The following DLGAP1 variants were observed in gnomAD, a reference collection of about 807,000 sequenced individuals.
DLGAP1 encodes DLG associated protein 1, also known as disks large-associated protein 1.
A neutral mutation model predicts 90.8 loss-of-function variants in DLGAP1; 11 were observed. That is an observed-to-expected ratio of 0.12 (90% CI 0.08 to 0.20). The LOEUF (loss-of-function observed/expected upper bound fraction) is 0.20, where lower values mean the gene tolerates loss of function less well. Ranked by LOEUF, DLGAP1 falls within the 10% of genes least tolerant of loss-of-function variation. The probability of loss-of-function intolerance (pLI) is 1.00; values close to 1 mark genes in which losing one functional copy is unlikely to be tolerated. For missense variants in DLGAP1, 1,050 were observed against 1,333.8 expected (o/e 0.79, Z 3.31); for synonymous variants, 558 against 540.7 (o/e 1.03, Z -0.44).
At chr18:4,123,707 A>G (rs973233940) in intron 2 of DLGAP1, among the ~76,000 whole-genome samples, 2 of 152,194 alleles carry the variant, frequency 1.3e-5, no homozygotes, top group Non-Finnish European at 2.9e-5. Flanking sequence ...CCCTGCGAAT[A>G]CAAAAAGCGG....
chr18:3,676,110 T>C (rs2060288483), intron 7 of DLGAP1, among the ~76,000 whole-genome samples: 1 of 152,244 alleles, frequency 6.6e-6, no homozygotes, highest in African/African-American at 2.4e-5. Context: ...CAGACATAGA[T>C]GCCGGCAGTT....
chr18:4,288,035 G>T (rs1326681426), intron 1 of DLGAP1, among the ~76,000 whole-genome samples: 3 of 147,530 alleles, frequency 2.0e-5, no homozygotes, highest in Non-Finnish European at 4.5e-5. Context: ...AACTGAGTCA[G>T]GTCAGGAGAA....
intron 7 of DLGAP1, among the ~76,000 whole-genome samples, chr18:3,667,895 G>C (rs2059937589): frequency 6.6e-6 from 1 of 152,110 alleles, no homozygotes; most frequent in Admixed American, 6.6e-5. Context: ...TTGATAAGAG[G>C]CTTATTTCTA....
chr18:3,869,721 CATGCT>C (rs1239659839), intron 4 of DLGAP1, among the ~76,000 whole-genome samples: 6 of 152,196 alleles, frequency 3.9e-5, no homozygotes, highest in African/African-American at 1.4e-4. Flanking sequence ...CAGAATCAGA[CATGCT>C]AATCCCAATG....
intron 1 of DLGAP1, among the ~76,000 whole-genome samples, chr18:4,411,211 G>C (rs577421810): frequency 6.6e-6 from 1 of 152,010 alleles, no homozygotes; most frequent in Non-Finnish European, 1.5e-5. Context: ...GTTTCCTGGA[G>C]AACTCAAGAA....
chr18:3,637,775 T>A (rs1276934790), intron 7 of DLGAP1, among the ~76,000 whole-genome samples: 2 of 151,782 alleles, frequency 1.3e-5, no homozygotes, highest in African/African-American at 4.8e-5. Flanking sequence ...TCTAGTTATT[T>A]AAATATTATA....
chr18:3,698,274 T>C (rs1195005727), intron 7 of DLGAP1, among the ~76,000 whole-genome samples: 1 of 152,242 alleles, frequency 6.6e-6, no homozygotes, highest in Non-Finnish European at 1.5e-5. Flanking sequence ...AGTTTCTTCA[T>C]AGTGTCAATG....
intron 5 of DLGAP1, among the ~76,000 whole-genome samples, chr18:3,761,817 GC>G (rs1403242800): frequency 6.6e-6 from 1 of 152,068 alleles, no homozygotes; most frequent in Non-Finnish European, 1.5e-5. Flanking sequence ...CCTGTGATCT[GC>G]CAGCCTCAGC....
chr18:3,611,084 A>T (rs944421893), intron 7 of DLGAP1, among the ~76,000 whole-genome samples: 1 of 151,684 alleles, frequency 6.6e-6, no homozygotes, highest in African/African-American at 2.4e-5. Flanking sequence ...GTGAGCTATG[A>T]TCGCACCACT....
intron 1 of DLGAP1, among the ~76,000 whole-genome samples, chr18:4,266,182 A>G (rs1272132557): frequency 6.6e-6 from 1 of 152,206 alleles, no homozygotes. Flanking sequence ...AAAACTACCC[A>G]TTAGCCAACC....
At chr18:3,845,207 T>C in intron 4 of DLGAP1, 1 of 1,609,936 alleles carries the variant, frequency 6.2e-7, no homozygotes, top group Admixed American at 1.7e-5. Flanking sequence ...TTCCTTTCCA[T>C]AGCCCAGAAT....
chr18:3,562,485 G>T (rs1016632077), intron 9 of DLGAP1, among the ~76,000 whole-genome samples: 1 of 150,360 alleles, frequency 6.7e-6, no homozygotes, highest in East Asian at 2.0e-4. Flanking sequence ...TGGGTCTCAT[G>T]AGATCTGATG....
At position 3,779,235 on chromosome 18, in the gene DLGAP1, CTGT is replaced by C. The variant is rs759775066; in HGVS notation, c.1172+34821_1172+34823del. ...TTAAAAGGCAATGCCACCAGTTTTG[CTGT>C]TGTTGTTGTTGTTGTTGTTTTAGAG... On this transcript the variant is annotated intron_variant, in intron 5 of 12. Transcript: ENST00000315677. Among the ~76,000 whole-genome samples the C allele has an allele frequency of 6.7e-4, 102 of 152,118 alleles. No individual in the cohort carries two copies. In the East Asian group the frequency reaches 8.5e-3, roughly 13 times the overall value.
At chr18:4,448,589 C>T (rs1235842833) in intron 1 of DLGAP1, among the ~76,000 whole-genome samples, 1 of 152,116 alleles carries the variant, frequency 6.6e-6, no homozygotes, top group Admixed American at 6.6e-5. Context: ...CTCACCATTC[C>T]TCACAGGCCA....
intron 3 of DLGAP1, among the ~76,000 whole-genome samples, chr18:3,963,964 T>C (rs952637523): frequency 6.6e-6 from 1 of 152,194 alleles, no homozygotes; most frequent in East Asian, 1.9e-4. Flanking sequence ...AGCATTAAAG[T>C]TCATTTCATT....
intron 1 of DLGAP1, among the ~76,000 whole-genome samples, chr18:4,349,682 G>A (rs2081367520): frequency 6.6e-6 from 1 of 151,886 alleles, no homozygotes; most frequent in Non-Finnish European, 1.5e-5. Context: ...TCAAAATAGG[G>A]CATAGTGTGT....
intron 1 of DLGAP1, among the ~76,000 whole-genome samples, chr18:4,446,742 G>C (rs2083677873): frequency 6.6e-6 from 1 of 152,136 alleles, no homozygotes; most frequent in Non-Finnish European, 1.5e-5. Context: ...TCATAAAAAT[G>C]AGAAGACAAG....
chr18:3,656,024 A>C, intron 7 of DLGAP1: 1 of 1,478,110 alleles, frequency 6.8e-7, no homozygotes, highest in South Asian at 1.3e-5. Flanking sequence ...TTTTAGCTAC[A>C]AGCCACGCTA....
At chr18:3,584,102 G>A (rs187238526) in intron 7 of DLGAP1, among the ~76,000 whole-genome samples, 3 of 152,142 alleles carry the variant, frequency 2.0e-5, no homozygotes, top group Admixed American at 1.3e-4. Context: ...AGCTTTACAC[G>A]TTGGCTTTCA....
Sources: gnomAD v4.1 joint callset for allele counts (sites outside exome capture counted in the v4.1 genomes callset) on GRCh38, gnomAD v4.1.1 for gene constraint, MANE v1.5 for transcripts, NCBI Gene and HGNC (gene_info 2026-07-23, HGNC 2026-07-21) for gene names.